Variants in ADAMTSL3 observed in about 807,000 individuals in gnomAD.
ADAMTSL3 encodes the protein ADAMTS-like protein 3.
ADAMTSL3 carries 128 observed loss-of-function variants against 201.7 expected under a neutral mutation model. The observed-to-expected ratio is 0.63, with a 90% confidence interval of 0.55 to 0.73. The LOEUF (loss-of-function observed/expected upper bound fraction) is 0.73, where lower values mean the gene tolerates loss of function less well. Among genes scored for constraint, ADAMTSL3 ranks in the 30% least tolerant of loss-of-function variants. ADAMTSL3 has a pLI of 0.00. For missense variants in ADAMTSL3, 1,990 were observed against 2,119.6 expected (o/e 0.94, Z 1.20); for synonymous variants, 738 against 748.4 (o/e 0.99, Z 0.23).
intron 19 of ADAMTSL3, among the ~76,000 whole-genome samples, chr15:83,959,842 T>C (rs2066929850): frequency 6.6e-6 from 1 of 152,200 alleles, no homozygotes; most frequent in South Asian, 2.1e-4. Flanking sequence ...TACTTTAACT[T>C]AGCAGACACA....
chr15:83,888,300 C>A (rs568597869), intron 10 of ADAMTSL3, among the ~76,000 whole-genome samples: 43 of 152,190 alleles, frequency 2.8e-4, no homozygotes, highest in Non-Finnish European at 5.4e-4. Context: ...TATTTCTAAA[C>A]TGTGATAAAA....
intron 7 of ADAMTSL3, among the ~76,000 whole-genome samples, chr15:83,849,105 G>A (rs1030549647): frequency 3.3e-5 from 5 of 152,096 alleles, no homozygotes; most frequent in Non-Finnish European, 7.4e-5. Context: ...CCATAAGATG[G>A]GATGGAGAGG....
chr15:83,796,760 A>G (rs1206328313), intron 4 of ADAMTSL3, among the ~76,000 whole-genome samples: 1 of 152,198 alleles, frequency 6.6e-6, no homozygotes, highest in African/African-American at 2.4e-5. Context: ...ATATATGCGT[A>G]TGTGGAAGTT....
At chr15:83,905,720 T>C (rs1222467164) in intron 15 of ADAMTSL3, among the ~76,000 whole-genome samples, 1 of 152,172 alleles carries the variant, frequency 6.6e-6, no homozygotes. Context: ...AAATTGCACA[T>C]CTCTAATTGT....
At chr15:83,805,361 C>T (rs2063584931) in intron 5 of ADAMTSL3, among the ~76,000 whole-genome samples, 1 of 152,096 alleles carries the variant, frequency 6.6e-6, no homozygotes, top group Non-Finnish European at 1.5e-5. Flanking sequence ...AGTTCGAGAC[C>T]AACCTGGCCA....
intron 3 of ADAMTSL3, among the ~76,000 whole-genome samples, chr15:83,708,803 G>A (rs910033466): frequency 3.3e-5 from 5 of 152,100 alleles, no homozygotes; most frequent in East Asian, 3.8e-4. Context: ...CCAGCAATTC[G>A]GTAAACTATT....
At chr15:83,882,179 A>G (rs2065286290) in intron 9 of ADAMTSL3, among the ~76,000 whole-genome samples, 1 of 152,122 alleles carries the variant, frequency 6.6e-6, no homozygotes, top group South Asian at 2.1e-4. Flanking sequence ...AAGAAAGAAA[A>G]AAGACAGAAA....
At chr15:83,823,002 G>C (rs1471011949) in intron 6 of ADAMTSL3, among the ~76,000 whole-genome samples, 2 of 151,906 alleles carry the variant, frequency 1.3e-5, no homozygotes, top group South Asian at 2.1e-4. Context: ...AGACCAGCCC[G>C]GCCAACACAG....
chr15:83,682,488 T>A (rs1227133965), intron 2 of ADAMTSL3, among the ~76,000 whole-genome samples: 1 of 152,242 alleles, frequency 6.6e-6, no homozygotes, highest in Non-Finnish European at 1.5e-5. Flanking sequence ...TGTCTTTTTA[T>A]CCTTTTTCTC....
At chr15:83,990,302 C>G (rs1165771284) in intron 22 of ADAMTSL3, among the ~76,000 whole-genome samples, 6 of 152,212 alleles carry the variant, frequency 3.9e-5, no homozygotes, top group Non-Finnish European at 7.3e-5. Context: ...TGGTTACATC[C>G]TGGCATCCAC....
intron 16 of ADAMTSL3, among the ~76,000 whole-genome samples, chr15:83,923,291 A>T (rs537565772): frequency 6.6e-6 from 1 of 152,170 alleles, no homozygotes; most frequent in Non-Finnish European, 1.5e-5. Context: ...TAATAATACT[A>T]TTCTTTTGAC....
rs1458426630 is a variant in ADAMTSL3 at position 83,883,239 on chromosome 15, C to T, written c.961-1862C>T. Among the ~76,000 whole-genome samples the T allele has an allele frequency of 2.0e-5, 3 of 151,520 alleles. No homozygotes were observed. In the East Asian group the frequency reaches 5.8e-4, roughly 29 times the overall value. On this transcript the variant is annotated intron_variant, in intron 9 of 29. Transcript: ENST00000286744. ...CCAGGCTGGAGTGCAATGGTGTGAT[C>T]TCGGCTCATTGCAACCTCTGCCTCC... is the stretch of plus-strand genomic sequence containing the variant.
chr15:83,713,726 A>C (rs1378960232), intron 3 of ADAMTSL3, among the ~76,000 whole-genome samples: 1 of 152,238 alleles, frequency 6.6e-6, no homozygotes, highest in African/African-American at 2.4e-5. Flanking sequence ...CAGATGTAGA[A>C]GCAGTAATGG....
At position 84,014,711 on chromosome 15, in the gene ADAMTSL3, A is replaced by T; in HGVS notation, c.4143A>T (p.Val1381=). 6.2e-7 allele frequency: 1 copy of T among 1,610,904 alleles called. No homozygotes were observed. Among genetic ancestry groups the T allele is most frequent in the East Asian group, 2.2e-5 (1 of 44,814 alleles). The change falls in exon 24 of 30, where the codon GTA becomes GTT. Residue 1381 remains valine (V), a synonymous_variant. Coordinates refer to ENST00000286744, the MANE Select transcript of ADAMTSL3 (RefSeq NM_207517.3). ...NALGKAVATS[V]LHLLERRWPE... ...TTGGAAAGGCAGTGGCAACATCTGT[A>T]CTCCACTTGCTGGGTAAGTGTCAAA...
intron 6 of ADAMTSL3, among the ~76,000 whole-genome samples, chr15:83,837,567 G>A (rs2064299157): frequency 6.6e-6 from 1 of 152,042 alleles, no homozygotes; most frequent in South Asian, 2.1e-4. Context: ...GATCACTTGA[G>A]CCCAGGAATT....
At chr15:83,845,547 CT>C (rs891525270) in intron 7 of ADAMTSL3, among the ~76,000 whole-genome samples, 48 of 152,170 alleles carry the variant, frequency 3.2e-4, no homozygotes, top group Non-Finnish European at 5.6e-4. Flanking sequence ...GCGACCTCAA[CT>C]TTTTCATCTG....
At chr15:83,694,743 G>T (rs958414800) in intron 2 of ADAMTSL3, among the ~76,000 whole-genome samples, 5 of 152,208 alleles carry the variant, frequency 3.3e-5, no homozygotes, top group Non-Finnish European at 7.4e-5. Flanking sequence ...CTTCTGTGGT[G>T]CAGAGAATAT....
chr15:83,872,286 G>A (rs1416357281), intron 9 of ADAMTSL3, among the ~76,000 whole-genome samples: 2 of 151,908 alleles, frequency 1.3e-5, no homozygotes, highest in African/African-American at 4.8e-5. Flanking sequence ...CGGGTCTGCC[G>A]TGGTCCACAC....
chr15:84,029,960 C>T (rs1436246207), intron 27 of ADAMTSL3, among the ~76,000 whole-genome samples: 1 of 152,254 alleles, frequency 6.6e-6, no homozygotes, highest in Non-Finnish European at 1.5e-5. Context: ...GGTGTTGGGC[C>T]TGCAGGTGCA....
Sources: allele counts gnomAD v4.1 joint callset (sites outside exome capture counted in the v4.1 genomes callset), GRCh38; gene constraint gnomAD v4.1.1; transcripts MANE v1.5; gene names NCBI Gene and HGNC (gene_info 2026-07-23, HGNC 2026-07-21).